Variants in NRXN2 observed in about 807,000 individuals in gnomAD.
NRXN2 encodes the protein neurexin 2.
NRXN2 carries 29 observed loss-of-function variants against 128.8 expected under a neutral mutation model. The ratio of observed to expected loss-of-function variants is 0.23; its 90% confidence interval spans 0.17 to 0.31. NRXN2 has a LOEUF of 0.31. Ranked by LOEUF, NRXN2 falls within the 10% of genes least tolerant of loss-of-function variation. The pLI is 1.00. For missense variants in NRXN2, 1,881 were observed against 2,452.6 expected (o/e 0.77, Z 4.92); for synonymous variants, 1,098 against 1,075.2 (o/e 1.02, Z -0.41).
chr11:64,610,670 C>T (rs992141356), intron 22 of NRXN2, among the ~76,000 whole-genome samples: 1 of 152,192 alleles, frequency 6.6e-6, no homozygotes, highest in African/African-American at 2.4e-5. Flanking sequence ...CTTGTGGGAC[C>T]TCTAGCCTTT....
chr11:64,718,112 A>T (rs2057345533), intron 1 of NRXN2, among the ~76,000 whole-genome samples: 1 of 152,158 alleles, frequency 6.6e-6, no homozygotes. Flanking sequence ...CTTCCCTTCC[A>T]GACATTTCCC....
At chr11:64,711,494 C>A (rs2056887275) in intron 2 of NRXN2, among the ~76,000 whole-genome samples, 1 of 152,108 alleles carries the variant, frequency 6.6e-6, no homozygotes, top group Non-Finnish European at 1.5e-5. Flanking sequence ...GCGCCCCCTG[C>A]CCCCCGACAC....
chr11:64,701,468 A>G (rs1420815303), intron 2 of NRXN2, among the ~76,000 whole-genome samples: 1 of 152,140 alleles, frequency 6.6e-6, no homozygotes, highest in East Asian at 1.9e-4. Context: ...GCTAGCTACA[A>G]TGGTTCGCGC....
intron 1 of NRXN2, among the ~76,000 whole-genome samples, chr11:64,722,371 A>T (rs2057456513): frequency 2.1e-5 from 3 of 144,622 alleles, no homozygotes; most frequent in African/African-American, 5.2e-5. Flanking sequence ...GCACAGACCC[A>T]TCTCTGCCTG....
Position 64,607,350 on chromosome 11 carries a change from T to C in NRXN2, c.4985A>G (p.Asn1662Ser), listed in dbSNP as rs149386596. The C allele has an allele frequency of 3.5e-5, 57 of 1,613,748 alleles. No individual in the cohort carries two copies. The highest frequency in any genetic ancestry group is 1.9e-4 in the African/African-American group (14 of 74,860). Residue 1662 changes from asparagine to serine, a missense_variant, in exon 23 of 23, where the codon AAT becomes AGT. By Grantham distance (46) the Asn-to-Ser change is conservative. Around this residue, in one of 7 missense-constraint regions of NRXN2, gnomAD observed 63 missense variants for 76.0 expected, o/e 0.83. Transcript: ENST00000265459. ...CACCTGGTAGGAGCCCTCATCACGA[T>C]TGCGGTACTTATACATGGCGTAGAG... ...ILLYAMYKYRNRDEGSYQVDQ... is the reference protein window; with the variant it reads ...ILLYAMYKYRSRDEGSYQVDQ...
rs1364562993 is a variant in NRXN2 at position 64,607,246 on chromosome 11, T to C, written c.5089A>G (p.Lys1697Glu). Residue 1697 changes from lysine to glutamate, a missense_variant, in exon 23 of 23, where the codon AAG (lysine) becomes GAG (glutamate). Physicochemically the swap from Lys to Glu is moderately conservative, Grantham distance 56. Transcript: ENST00000265459. ...VVKEKAPAAP[K>E]TPSKAKKNKD... ...TTCTTCTTGGCCTTGCTGGGCGTCT[T>C]GGGGGCAGCCGGGGCCTTCTCTTTC... 6.2e-7 allele frequency: 1 copy of C among 1,613,692 alleles called. No individual in the cohort carries two copies. Among genetic ancestry groups the C allele is most frequent in the East Asian group, 2.2e-5 (1 of 44,856 alleles).
chr11:64,637,416 G>C (rs1036257782), intron 17 of NRXN2: 1 of 152,226 alleles, frequency 6.6e-6, no homozygotes, highest in African/African-American at 2.4e-5. Context: ...TGCCTGGAAG[G>C]GCAGCGCCTG....
chr11:64,625,200 C>A (rs528903086), intron 20 of NRXN2, among the ~76,000 whole-genome samples: 1 of 152,260 alleles, frequency 6.6e-6, no homozygotes, highest in Non-Finnish European at 1.5e-5. Context: ...CTGTCCAGCT[C>A]TCCCTGCTCT....
chr11:64,668,240 G>T (rs2050156435), intron 8 of NRXN2, among the ~76,000 whole-genome samples: 1 of 152,196 alleles, frequency 6.6e-6, no homozygotes, highest in Non-Finnish European at 1.5e-5. Flanking sequence ...GAGGATAGGG[G>T]TTTCCAAGGC....
intron 1 of NRXN2, among the ~76,000 whole-genome samples, chr11:64,722,184 T>C (rs182483135): frequency 1.4e-4 from 22 of 151,774 alleles, no homozygotes; most frequent in Admixed American, 1.3e-3. Context: ...GCCCTGCAGC[T>C]TCCTCTCCCC....
In NRXN2 at chr11:64,607,152, C is replaced by T. The variant is rs765201018; in HGVS notation, c.*44G>A. 3 of 1,594,344 alleles carry T rather than the reference C, an allele frequency of 1.9e-6. No homozygotes were observed. Among genetic ancestry groups the T allele is most frequent in the South Asian group, 2.2e-5 (2 of 89,780 alleles). On this transcript the variant is annotated 3_prime_UTR_variant, in exon 23 of 23. Transcript: ENST00000265459. The stretch of plus-strand genomic sequence containing the variant: ...AGAGGGTGGCACCCTCCTCCCGGGC[C>T]CTCCCAGGAGGGGCAGCTGGCAGTG...
chr11:64,719,553 G>A (rs1489122945), intron 1 of NRXN2, among the ~76,000 whole-genome samples: 3 of 152,190 alleles, frequency 2.0e-5, no homozygotes, highest in African/African-American at 7.2e-5. Context: ...CCAGGAGCTG[G>A]TAGCTCGGGG....
chr11:64,662,305 AGAG>A (rs940996023), intron 9 of NRXN2, among the ~76,000 whole-genome samples: 45 of 151,972 alleles, frequency 3.0e-4, no homozygotes, highest in African/African-American at 9.4e-4. Context: ...AAGAAAAGGA[AGAG>A]GAGGAGGAGG....
At chr11:64,705,000 T>C (rs1379646124) in intron 2 of NRXN2, among the ~76,000 whole-genome samples, 1 of 152,220 alleles carries the variant, frequency 6.6e-6, no homozygotes, top group Non-Finnish European at 1.5e-5. Context: ...CTCTCTGGGA[T>C]GGGTTCCTCT....
At chr11:64,687,166 C>A (rs947335397) in intron 5 of NRXN2, among the ~76,000 whole-genome samples, 2 of 152,196 alleles carry the variant, frequency 1.3e-5, no homozygotes, top group Admixed American at 6.5e-5. Context: ...TAACCAAATG[C>A]AGGAATTCTC....
chr11:64,663,245 C>T (rs1259419711), intron 9 of NRXN2, among the ~76,000 whole-genome samples: 1 of 151,944 alleles, frequency 6.6e-6, no homozygotes, highest in Non-Finnish European at 1.5e-5. Context: ...TGGGCATCTG[C>T]AATCCCAGCT....
intron 2 of NRXN2, among the ~76,000 whole-genome samples, chr11:64,703,875 C>G (rs887487501): frequency 6.6e-6 from 1 of 152,224 alleles, no homozygotes; most frequent in Non-Finnish European, 1.5e-5. Context: ...AACGATATTA[C>G]TTCCATCTTA....
At chr11:64,666,826 G>C (rs527739919) in intron 9 of NRXN2, among the ~76,000 whole-genome samples, 29 of 152,274 alleles carry the variant, frequency 1.9e-4, no homozygotes, top group African/African-American at 6.7e-4. Flanking sequence ...GCCTCCCAAA[G>C]TGCTGGGATT....
At chr11:64,705,054 G>A (rs149313946) in intron 2 of NRXN2, among the ~76,000 whole-genome samples, 17 of 152,204 alleles carry the variant, frequency 1.1e-4, no homozygotes, top group Admixed American at 6.5e-5. Context: ...TATCTCCATC[G>A]ACCTTTCTCT....
Sources: gnomAD v4.1 joint callset for allele counts (sites outside exome capture counted in the v4.1 genomes callset) on GRCh38, gnomAD v4.1.1 for gene constraint, gnomAD v4.1.1 regional missense constraint, MANE v1.5 for transcripts, NCBI Gene and HGNC (gene_info 2026-07-23, HGNC 2026-07-21) for gene names.